Variants in VPS13A observed in about 807,000 individuals in gnomAD.
VPS13A encodes the protein intermembrane lipid transfer protein VPS13A.
A neutral mutation model predicts 390.9 loss-of-function variants in VPS13A; 264 were observed. That is an observed-to-expected ratio of 0.68 (90% CI 0.61 to 0.75). The LOEUF is 0.75. VPS13A is among the 30% of genes least tolerant of loss of function. The pLI, the probability that VPS13A is intolerant of heterozygous loss-of-function variation, is 0.00. For missense variants in VPS13A, 3,409 were observed against 3,733.9 expected (o/e 0.91, Z 2.27); for synonymous variants, 1,231 against 1,227.1 (o/e 1.00, Z -0.07).
chr9:77,242,276 A>T (rs769141645), intron 19 of VPS13A, among the ~76,000 whole-genome samples: 4 of 152,144 alleles, frequency 2.6e-5, no homozygotes, highest in Non-Finnish European at 1.5e-5. Context: ...AAGATAAAAT[A>T]ATTTAGATGA....
At chr9:77,259,649 A>G (rs1412081314) in intron 22 of VPS13A, among the ~76,000 whole-genome samples, 1 of 152,240 alleles carries the variant, frequency 6.6e-6, no homozygotes, top group Non-Finnish European at 1.5e-5. Flanking sequence ...GATCTTTGAT[A>G]CATAGTCTCA....
At position 77,318,433 on chromosome 9, in the gene VPS13A, G is replaced by A. The variant is rs1174459880; in HGVS notation, c.5155G>A (p.Gly1719Ser). 6.2e-7 allele frequency: 1 copy of A among 1,613,750 alleles called. No individual in the cohort carries two copies. The highest frequency in any genetic ancestry group is 2.2e-5 in the East Asian group (1 of 44,846). The stretch of plus-strand genomic sequence containing the variant: ...TCCCACAACTGAATTGGTACCCAAA[G>A]GCGAGATGATAAAAATGAACATTGA... Reference protein sequence around the residue: ...IAPTTELVPKGEMIKMNIDSI... With the variant: ...IAPTTELVPKSEMIKMNIDSI... Residue 1719 changes from glycine to serine, a missense_variant, in exon 41 of 72, where the codon GGC (glycine) becomes AGC (serine). Transcript: ENST00000360280.
intron 1 of VPS13A, among the ~76,000 whole-genome samples, chr9:77,185,147 CTT>C (rs936326410): frequency 4.1e-5 from 6 of 144,706 alleles, no homozygotes; most frequent in Admixed American, 6.9e-5. Flanking sequence ...GACATTATCT[CTT>C]TTTTTTTTTT....
Position 77,293,441 on chromosome 9 carries a change from T to C in VPS13A, c.3440T>C (p.Ile1147Thr), listed in dbSNP as rs548653968. 8 of 1,609,290 alleles carry C rather than the reference T, an allele frequency of 5.0e-6. No homozygotes were observed. The highest frequency in any genetic ancestry group is 4.5e-5 in the South Asian group (4 of 89,772). The change falls in exon 32 of 72, where the codon ATT becomes ACT. Residue 1147 changes from isoleucine to threonine, a missense_variant. Physicochemically the swap from Ile to Thr is moderately conservative, Grantham distance 89. This residue lies in a region of VPS13A where 2,717 missense variants were observed against 2,917.4 expected (regional missense o/e 0.93). Transcript: ENST00000360280. ...SAYTDMNVVD[I>T]QVNLIVGCIE... is the part of the protein sequence containing the mutation. ...TACACAGATATGAATGTGGTTGACA[T>C]TCAGGTTAATTTAATAGTTGGTTGC...
intron 71 of VPS13A, among the ~76,000 whole-genome samples, chr9:77,413,705 C>G (rs1835045520): frequency 6.6e-6 from 1 of 152,080 alleles, no homozygotes. Flanking sequence ...TCTAAAACAC[C>G]AAAAGCAATG....
chr9:77,414,362 G>A (rs1359665697), intron 71 of VPS13A, among the ~76,000 whole-genome samples: 1 of 152,118 alleles, frequency 6.6e-6, no homozygotes, highest in East Asian at 1.9e-4. Flanking sequence ...ATGATAGACT[G>A]GATTAAGAAA....
intron 19 of VPS13A, among the ~76,000 whole-genome samples, chr9:77,243,250 C>T (rs932698767): frequency 3.3e-5 from 5 of 151,914 alleles, no homozygotes; most frequent in African/African-American, 1.2e-4. Flanking sequence ...CAGATTTCTT[C>T]GGATATTGGA....
chr9:77,345,212 T>A, intron 52 of VPS13A, 70 bp downstream of exon 52: 1 of 1,516,538 alleles, frequency 6.6e-7, no homozygotes, highest in Non-Finnish European at 9.1e-7. Context: ...TTTTTTTTGA[T>A]AATTTCTTAA....
chr9:77,316,652 C>T (rs1026466650), intron 39 of VPS13A, among the ~76,000 whole-genome samples: 3 of 152,062 alleles, frequency 2.0e-5, no homozygotes, highest in Non-Finnish European at 4.4e-5. Context: ...TTCATCTTGA[C>T]AGTTTTCAGT....
intron 7 of VPS13A, 128 bp downstream of exon 7, chr9:77,210,803 T>G: frequency 4.3e-6 from 4 of 934,506 alleles, no homozygotes; most frequent in Non-Finnish European, 6.9e-6. Context: ...AGGGTCTTCA[T>G]TGGATTGGAA....
intron 67 of VPS13A, among the ~76,000 whole-genome samples, chr9:77,375,267 A>G (rs940013932): frequency 3.9e-5 from 6 of 152,174 alleles, no homozygotes; most frequent in Middle Eastern, 3.2e-3. Flanking sequence ...ACTAAGAACT[A>G]TTGAAGGATG....
At chr9:77,344,572 A>G (rs911305390) in intron 51 of VPS13A, among the ~76,000 whole-genome samples, 6 of 152,120 alleles carry the variant, frequency 3.9e-5, no homozygotes, top group African/African-American at 1.2e-4. Context: ...CCTGGCTAAC[A>G]CGGTGAAACC....
In VPS13A at chr9:77,321,674, A is replaced by G. The variant is rs368681170; in HGVS notation, c.5758A>G (p.Ile1920Val). 6.2e-6 allele frequency: 10 copies of G among 1,613,252 alleles called. No individual in the cohort carries two copies. Among genetic ancestry groups the G allele is most frequent in the African/African-American group, 1.3e-5 (1 of 74,904 alleles). Residue 1920 changes from isoleucine (I) to valine (V), a missense_variant, in exon 44 of 72, where the codon ATC (isoleucine) becomes GTC (valine). By Grantham distance (29) the Ile-to-Val change is conservative. Transcript: ENST00000360280. Reference protein sequence around the residue: ...KNGESLSMDYIRTKDNDHFNA... With the variant: ...KNGESLSMDYVRTKDNDHFNA... ...TGGAGAAAGTTTAAGTATGGATTAT[A>G]TCCGAACCAAGGACAATGATCATTT...
Position 77,256,950 on chromosome 9 carries a change from T to C in VPS13A, c.2289-3136T>C, listed in dbSNP as rs145035470. ...GCATCCTGTTTTTTAATCCATTTTG[T>C]CACTTGAAGTTTTTAATTGAGAAAA... is the stretch of plus-strand genomic sequence containing the variant. On this transcript the variant is annotated intron_variant, in intron 22 of 71. Transcript: ENST00000360280. Among the ~76,000 whole-genome samples, 666 of 152,294 alleles carry C rather than the reference T, an allele frequency of 4.4e-3. 8 individuals are homozygous for C. Among genetic ancestry groups the C allele is most frequent in the African/African-American group, 0.015 (628 of 41,570 alleles).
At chr9:77,254,179 G>A (rs1226195527) in intron 22 of VPS13A, among the ~76,000 whole-genome samples, 2 of 151,932 alleles carry the variant, frequency 1.3e-5, no homozygotes, top group Non-Finnish European at 2.9e-5. Context: ...TCCTGACCTC[G>A]TGATCCGCCC....
At chr9:77,209,296 A>T in intron 5 of VPS13A, 127 bp from the exon 6 acceptor site, 1 of 678,554 alleles carries the variant, frequency 1.5e-6, no homozygotes, top group Non-Finnish European at 2.6e-6. Context: ...AAAGCAAGCT[A>T]TTAGTGTTCT....
At chr9:77,392,425 T>C (rs1185837441) in intron 68 of VPS13A, among the ~76,000 whole-genome samples, 1 of 152,200 alleles carries the variant, frequency 6.6e-6, no homozygotes, top group Non-Finnish European at 1.5e-5. Flanking sequence ...TTGTAGCCTT[T>C]TTCCTTTTAC....
rs192381800 is a variant in VPS13A at position 77,415,344 on chromosome 9, C to T, written c.9475-612C>T. 2.1e-3 allele frequency among the ~76,000 whole-genome samples: 319 copies of T among 152,260 alleles called. 1 individual carries two copies. The highest frequency in any genetic ancestry group is 3.8e-3 in the Non-Finnish European group (260 of 68,028). On this transcript the variant is annotated intron_variant, in intron 71 of 71. Transcript: ENST00000360280. ...ATCTTAGGGCTATTCTTACTAGGCT[C>T]TTTTAAGTTAAAGAGGTACAAACAT...
intron 26 of VPS13A, among the ~76,000 whole-genome samples, chr9:77,277,238 T>C (rs183481910): frequency 6.9e-4 from 105 of 152,326 alleles, no homozygotes; most frequent in African/African-American, 2.5e-3. Context: ...ATATTATGTA[T>C]GAGCAGAGGT....
Sources: gnomAD v4.1 joint callset for allele counts (sites outside exome capture counted in the v4.1 genomes callset) on GRCh38, gnomAD v4.1.1 for gene constraint, gnomAD v4.1.1 regional missense constraint, MANE v1.5 for transcripts, NCBI Gene and HGNC (gene_info 2026-07-23, HGNC 2026-07-21) for gene names.